CNTN5: variants seen among roughly 807,000 people sequenced by gnomAD.
The protein encoded by CNTN5 is contactin-5.
A neutral mutation model predicts 129.1 loss-of-function variants in CNTN5; 77 were observed. The observed-to-expected ratio is 0.60, with a 90% confidence interval of 0.50 to 0.72. The LOEUF (loss-of-function observed/expected upper bound fraction) is 0.72, where lower values mean the gene tolerates loss of function less well. CNTN5 is among the 30% of genes least tolerant of loss of function. CNTN5 has a pLI of 0.00. For missense variants in CNTN5, 1,478 were observed against 1,328.8 expected (o/e 1.11, Z -1.75); for synonymous variants, 509 against 465.6 (o/e 1.09, Z -1.20).
intron 9 of CNTN5, among the ~76,000 whole-genome samples, chr11:100,018,103 T>G (rs1470598086): frequency 6.6e-6 from 1 of 152,034 alleles, no homozygotes; most frequent in African/African-American, 2.4e-5. Flanking sequence ...GTAAATTAAC[T>G]GTACTGCTAA....
At position 100,308,478 on chromosome 11, in the gene CNTN5, G is replaced by A; in HGVS notation, c.2730+10G>A. 1 of 1,605,968 alleles carries A rather than the reference G, an allele frequency of 6.2e-7. No homozygotes were observed. The highest frequency in any genetic ancestry group is 8.5e-7 in the Non-Finnish European group (1 of 1,175,648). ...ACCACAGGGATTTGAGGTATGAACA[G>A]AATGATTGAAAATAAGCCTTATTGT... On this transcript the variant is annotated intron_variant, in intron 21 of 24. Transcript: ENST00000524871.
At chr11:100,291,786 TAAA>T (rs1294956619) in intron 18 of CNTN5, among the ~76,000 whole-genome samples, 2 of 51,680 alleles carry the variant, frequency 3.9e-5, no homozygotes, top group African/African-American at 9.3e-5. Flanking sequence ...AATAAATAAA[TAAA>T]AAATATAAAT....
chr11:99,282,587 C>T (rs1297995556), intron 1 of CNTN5, among the ~76,000 whole-genome samples: 4 of 151,984 alleles, frequency 2.6e-5, no homozygotes, highest in South Asian at 4.1e-4. Context: ...CATATTATGT[C>T]TAACAATTTT....
At position 99,573,182 on chromosome 11, in the gene CNTN5, T is replaced by TA. The variant is rs1449036813; in HGVS notation, c.55+16916dup. On this transcript the variant is annotated intron_variant, in intron 3 of 24. Transcript: ENST00000524871. ...TCCACCCAAGGAGTGTTTTTTTTTTTAAATAATAAAATGGACCTGATTACA... is the reference window on the plus strand; with the variant it reads ...TCCACCCAAGGAGTGTTTTTTTTTTTAAAATAATAAAATGGACCTGATTACA... Among the ~76,000 whole-genome samples, 14 of 152,014 alleles carry TA rather than the reference T, an allele frequency of 9.2e-5. No individual in the cohort carries two copies. In the East Asian group the frequency reaches 2.3e-3, roughly 25 times the overall value.
At chr11:99,505,688 C>G (rs754402895) in intron 2 of CNTN5, among the ~76,000 whole-genome samples, 1 of 152,172 alleles carries the variant, frequency 6.6e-6, no homozygotes, top group Non-Finnish European at 1.5e-5. Context: ...ATCTCCTCCC[C>G]CAATCCCTAT....
At chr11:99,484,281 T>TCA (rs1016439853) in intron 2 of CNTN5, among the ~76,000 whole-genome samples, 1 of 151,662 alleles carries the variant, frequency 6.6e-6, no homozygotes, top group African/African-American at 2.4e-5. Context: ...AAAAAAAAGC[T>TCA]CAACAACACC....
chr11:99,792,668 C>G (rs966634521), intron 3 of CNTN5, among the ~76,000 whole-genome samples: 1 of 151,672 alleles, frequency 6.6e-6, no homozygotes, highest in African/African-American at 2.4e-5. Context: ...ACAACTCAAC[C>G]TTTTGGAGTA....
intron 13 of CNTN5, among the ~76,000 whole-genome samples, chr11:100,175,018 T>A (rs1947920637): frequency 6.6e-6 from 1 of 152,090 alleles, no homozygotes; most frequent in Non-Finnish European, 1.5e-5. Context: ...ATTTTACTGA[T>A]CACGTTAAAG....
chr11:99,939,101 TA>T (rs1950378103), intron 7 of CNTN5, among the ~76,000 whole-genome samples: 1 of 152,078 alleles, frequency 6.6e-6, no homozygotes, highest in Non-Finnish European at 1.5e-5. Context: ...AAAAAAAATT[TA>T]AAAAGATGAA....
At chr11:100,087,475 C>T (rs1019522229) in intron 13 of CNTN5, among the ~76,000 whole-genome samples, 2 of 151,686 alleles carry the variant, frequency 1.3e-5, no homozygotes, top group Non-Finnish European at 3.0e-5. Flanking sequence ...ACCCTAACAA[C>T]AAAATTTGCC....
At chr11:99,026,129 TAC>T (rs1863097448) in intron 1 of CNTN5, among the ~76,000 whole-genome samples, 1 of 151,626 alleles carries the variant, frequency 6.6e-6, no homozygotes, top group African/African-American at 2.4e-5. Flanking sequence ...TTTCTAAAAA[TAC>T]ATTTTTATTT....
intron 1 of CNTN5, among the ~76,000 whole-genome samples, chr11:99,256,418 GAA>G (rs1862379890): frequency 6.6e-6 from 1 of 152,016 alleles, no homozygotes; most frequent in Non-Finnish European, 1.5e-5. Flanking sequence ...TATTAAGAGT[GAA>G]GAACTATTAC....
chr11:99,900,545 TA>T (rs1407566783), intron 6 of CNTN5, among the ~76,000 whole-genome samples: 4 of 148,402 alleles, frequency 2.7e-5, no homozygotes, highest in African/African-American at 7.9e-5. Context: ...TTTCATTCAT[TA>T]ATTTTTTTTT....
chr11:99,855,219 T>C (rs72991335), intron 6 of CNTN5, among the ~76,000 whole-genome samples: 1 of 152,210 alleles, frequency 6.6e-6, no homozygotes, highest in Non-Finnish European at 1.5e-5. Context: ...TAAGGTGGGA[T>C]GATCTGTTGA....
intron 13 of CNTN5, among the ~76,000 whole-genome samples, chr11:100,107,080 T>A (rs1945466622): frequency 6.6e-6 from 1 of 152,170 alleles, no homozygotes; most frequent in Non-Finnish European, 1.5e-5. Context: ...ATTTGGAATA[T>A]GGATTGATAG....
chr11:99,750,001 G>C (rs2135210595), intron 3 of CNTN5, among the ~76,000 whole-genome samples: 1 of 152,262 alleles, frequency 6.6e-6, no homozygotes, highest in South Asian at 2.1e-4. Flanking sequence ...TACCATTCAT[G>C]TATAAGTTAA....
At chr11:99,659,456 C>T (rs571783042) in intron 3 of CNTN5, among the ~76,000 whole-genome samples, 11 of 152,022 alleles carry the variant, frequency 7.2e-5, no homozygotes, top group Non-Finnish European at 1.0e-4. Flanking sequence ...AAATACACTG[C>T]GTATCAATAT....
chr11:99,335,433 G>A (rs761191887), intron 2 of CNTN5, among the ~76,000 whole-genome samples: 257 of 151,888 alleles, frequency 1.7e-3, no homozygotes, highest in Non-Finnish European at 2.9e-3. Context: ...ACTGTTTTTG[G>A]AAGTTGCTTT....
At chr11:99,504,348 A>G (rs1565238092) in intron 2 of CNTN5, among the ~76,000 whole-genome samples, 1 of 151,882 alleles carries the variant, frequency 6.6e-6, no homozygotes, top group Non-Finnish European at 1.5e-5. Context: ...CGAGACCATC[A>G]TGGCTAACAC....
Sources: allele counts gnomAD v4.1 joint callset (sites outside exome capture counted in the v4.1 genomes callset), GRCh38; gene constraint gnomAD v4.1.1; transcripts MANE v1.5; gene names NCBI Gene and HGNC (gene_info 2026-07-23, HGNC 2026-07-21).